CD96: variants seen among roughly 807,000 people sequenced by gnomAD.
The protein encoded by CD96 is CD96 molecule.
A neutral mutation model predicts 71.3 loss-of-function variants in CD96; 70 were observed. That is an observed-to-expected ratio of 0.98 (90% CI 0.81 to 1.20). The LOEUF (loss-of-function observed/expected upper bound fraction) is 1.20. Among genes scored for constraint, CD96 ranks in the 50% most tolerant of loss-of-function variants. CD96 has a pLI of 0.00. For missense variants in CD96, 742 were observed against 677.5 expected, an observed-to-expected ratio of 1.10 and a Z score of -1.06; for synonymous variants, 248 against 233.0, an observed-to-expected ratio of 1.06 and a Z score of -0.59.
chr3:111,583,583 A>C (rs1936569073), intron 4 of CD96, among the ~76,000 whole-genome samples: 1 of 152,218 alleles, frequency 6.6e-6, no homozygotes, highest in African/African-American at 2.4e-5. Flanking sequence ...ATTTCCATAA[A>C]TCTTCTGAAA....
intron 3 of CD96, chr3:111,570,595 G>A: frequency 5.9e-6 from 9 of 1,531,692 alleles, no homozygotes; most frequent in Non-Finnish European, 8.1e-6. Context: ...AAAGCTAAGG[G>A]ATCAACAGGT....
At chr3:111,625,422 A>T (rs1938703800) in intron 10 of CD96, among the ~76,000 whole-genome samples, 1 of 152,220 alleles carries the variant, frequency 6.6e-6, no homozygotes, top group Non-Finnish European at 1.5e-5. Flanking sequence ...CCCAAATATA[A>T]GAATTGAAAA....
rs765581924 is a variant in CD96, at chr3:111,567,644, G to T, written c.540G>T (p.Ser180=). 3 of 1,612,830 alleles carry T rather than the reference G, an allele frequency of 1.9e-6. No homozygotes were observed. Among genetic ancestry groups the T allele is most frequent in the African/African-American group, 2.7e-5 (2 of 74,874 alleles). The change falls in exon 3 of 14, where the codon TCG becomes TCT. Residue 180 remains serine, a synonymous_variant. Coordinates refer to ENST00000352690, the MANE Select transcript of CD96 (RefSeq NM_005816.5). ...KISSEFTYAW[S]VEDNGTQETL... ...CATCTGAGTTCACCTATGCATGGTC[G>T]GTGGTAAGTGTTGCCCTTTTCAGTG...
chr3:111,645,669 T>A (rs1171265993), intron 12 of CD96, among the ~76,000 whole-genome samples: 4 of 152,156 alleles, frequency 2.6e-5, no homozygotes, highest in African/African-American at 9.7e-5. Flanking sequence ...TGACCAATTG[T>A]CTCTTTCATG....
intron 2 of CD96, among the ~76,000 whole-genome samples, chr3:111,563,093 G>A (rs1021655560): frequency 1.3e-5 from 2 of 152,206 alleles, no homozygotes; most frequent in African/African-American, 2.4e-5. Context: ...AGAGACAAAA[G>A]GGGAATTAAC....
At chr3:111,585,516 A>G in intron 5 of CD96, 138 bp downstream of exon 5, 1 of 651,180 alleles carries the variant, frequency 1.5e-6, no homozygotes, top group Non-Finnish European at 2.9e-6. Context: ...GGATGAAGGG[A>G]AGCTGGGTTG....
intron 2 of CD96, among the ~76,000 whole-genome samples, chr3:111,552,033 A>G (rs552856051): frequency 6.6e-6 from 1 of 152,142 alleles, no homozygotes; most frequent in South Asian, 2.1e-4. Flanking sequence ...TTTGATTTGC[A>G]TTTCTCTAAT....
chr3:111,581,410 A>G (rs988960414), intron 4 of CD96, among the ~76,000 whole-genome samples: 4 of 152,184 alleles, frequency 2.6e-5, no homozygotes, highest in Admixed American at 6.5e-5. Context: ...TCCCCAAAAC[A>G]CCCATGAAAA....
At chr3:111,593,778 G>C (rs1937112537) in intron 5 of CD96, 1 of 1,614,072 alleles carries the variant, frequency 6.2e-7, no homozygotes, top group Admixed American at 1.7e-5. Flanking sequence ...TGCTCCAGGA[G>C]CCTACCCCAG....
intron 3 of CD96, among the ~76,000 whole-genome samples, chr3:111,572,848 C>T (rs7628039): frequency 0.67 from 101,424 of 152,126 alleles, 33,956 homozygotes; most frequent in Non-Finnish European, 0.69. Flanking sequence ...ACTCTTATGC[C>T]ACATCTGCCT....
chr3:111,608,942 G>T (rs917412750), intron 8 of CD96, among the ~76,000 whole-genome samples: 1 of 152,146 alleles, frequency 6.6e-6, no homozygotes. Context: ...TAAGATGAAA[G>T]GTGGTGTACC....
intron 2 of CD96, among the ~76,000 whole-genome samples, chr3:111,556,294 G>A (rs1202923998): frequency 8.3e-4 from 120 of 144,854 alleles, no homozygotes; most frequent in African/African-American, 2.8e-3. Context: ...GTGCTGGTGC[G>A]CCGCACCCAC....
chr3:111,643,574 A>G (rs1450834831), intron 12 of CD96, among the ~76,000 whole-genome samples: 1 of 152,128 alleles, frequency 6.6e-6, no homozygotes, highest in African/African-American at 2.4e-5. Flanking sequence ...TTTACCTTGA[A>G]AACCCTAAGG....
chr3:111,603,314 C>T (rs1260427687), intron 7 of CD96, among the ~76,000 whole-genome samples: 4 of 151,954 alleles, frequency 2.6e-5, no homozygotes, highest in South Asian at 2.1e-4. Flanking sequence ...CATGGTGGCG[C>T]ACATCATTAG....
intron 5 of CD96, among the ~76,000 whole-genome samples, chr3:111,587,100 CA>C (rs1317426323): frequency 6.6e-6 from 1 of 151,940 alleles, no homozygotes; most frequent in Admixed American, 6.6e-5. Flanking sequence ...AGACATTGGC[CA>C]AAACAAGTCT....
chr3:111,545,152 G>A lies in CD96; in HGVS notation c.168G>A (p.Met56Ile), dbSNP rs1481422092. Residue 56 changes from methionine to isoleucine, a missense_variant, in exon 2 of 14, where the codon ATG becomes ATA. Transcript: ENST00000352690. Reference sequence around the variant, plus strand: ...AGACAGTAGGCTTCTTCGTGCAGATGCAATGGTCCAAGGTCACCAATAAGA... The same window carrying A: ...AGACAGTAGGCTTCTTCGTGCAGATACAATGGTCCAAGGTCACCAATAAGA... ...QTQTVGFFVQMQWSKVTNKID... is the reference protein window; with the variant it reads ...QTQTVGFFVQIQWSKVTNKID... The A allele has an allele frequency of 3.7e-6, 6 of 1,614,052 alleles. No homozygotes were observed. Among genetic ancestry groups the A allele is most frequent in the Non-Finnish European group, 5.1e-6 (6 of 1,180,026 alleles).
chr3:111,650,985 G>A lies in CD96; in HGVS notation c.*1179G>A, dbSNP rs1281415124. 1 of 152,232 alleles carries A rather than the reference G, an allele frequency of 6.6e-6. No homozygotes were observed. 9.4% of individuals were successfully genotyped at this position (152,232 alleles called of 1,614,324 possible). On this transcript the variant is annotated 3_prime_UTR_variant, in exon 14 of 14. Transcript: ENST00000352690. The stretch of plus-strand genomic sequence containing the variant: ...CCCAAAAGGAAACTTTAGTTCACTT[G>A]CAGTATGCTTATCCTTGACTGCACA...
At chr3:111,567,695 T>C in intron 3 of CD96, 48 bp downstream of exon 3, 1 of 1,533,406 alleles carries the variant, frequency 6.5e-7, no homozygotes, top group Non-Finnish European at 9.0e-7. Flanking sequence ...CTTTAAACAT[T>C]AACGAAGTAA....
At chr3:111,600,618 C>G in intron 6 of CD96, 108 bp from the exon 7 acceptor site, 1 of 814,848 alleles carries the variant, frequency 1.2e-6, no homozygotes, top group East Asian at 2.6e-5. Flanking sequence ...GCCATTTGAC[C>G]ACTTTAGACT....
Sources: gnomAD v4.1 joint callset for allele counts (sites outside exome capture counted in the v4.1 genomes callset) on GRCh38, gnomAD v4.1.1 for gene constraint, MANE v1.5 for transcripts, NCBI Gene and HGNC (gene_info 2026-07-23, HGNC 2026-07-21) for gene names.